The following ZMYM5 variants were observed in gnomAD, a reference collection of about 807,000 sequenced individuals.
ZMYM5 encodes zinc finger MYM-type containing 5, also known as zinc finger MYM-type protein 5.
In ZMYM5, 41 loss-of-function variants were observed where a neutral mutation model predicts 61.8. The ratio of observed to expected loss-of-function variants is 0.66; its 90% confidence interval spans 0.52 to 0.86. The LOEUF (loss-of-function observed/expected upper bound fraction) is 0.86, where lower values mean the gene tolerates loss of function less well. Among genes scored for constraint, ZMYM5 ranks in the 40% least tolerant of loss-of-function variants. ZMYM5 has a pLI of 0.00. For synonymous variants in ZMYM5, 257 were observed against 276.4 expected, an observed-to-expected ratio of 0.93 and a Z score of 0.70; for missense variants, 706 against 786.7, an observed-to-expected ratio of 0.90 and a Z score of 1.23.
At position 19,851,397 on chromosome 13, in the gene ZMYM5, C is replaced by G; in HGVS notation, c.544G>C (p.Asp182His). 3.1e-6 allele frequency: 5 copies of G among 1,614,156 alleles called. No individual in the cohort carries two copies. Among genetic ancestry groups the G allele is most frequent in the Non-Finnish European group, 4.2e-6 (5 of 1,180,030 alleles). The change falls in exon 4 of 8, where the codon GAC (aspartate) becomes CAC (histidine). Residue 182 changes from aspartate to histidine, a missense_variant. This residue lies in a region of ZMYM5 where 480 missense variants were observed against 461.7 expected (regional missense o/e 1.04). Transcript: ENST00000337963. Reference protein sequence around the residue: ...FNPGRMNVAGDLFQNGEFATH... With the variant: ...FNPGRMNVAGHLFQNGEFATH... ...GCAAATTCTCCATTCTGAAATAAGTCTCCTGCCACATTCATTCTACCAGGG... is the reference window on the plus strand; with the variant it reads ...GCAAATTCTCCATTCTGAAATAAGTGTCCTGCCACATTCATTCTACCAGGG...
intron 7 of ZMYM5, among the ~76,000 whole-genome samples, chr13:19,829,129 A>G (rs906864249): frequency 6.6e-6 from 1 of 152,106 alleles, no homozygotes; most frequent in African/African-American, 2.4e-5. Context: ...AACAAAAAAA[A>G]CCAGATACAT....
chr13:19,839,477 C>A (rs1353158740), intron 4 of ZMYM5, among the ~76,000 whole-genome samples: 4 of 152,056 alleles, frequency 2.6e-5, no homozygotes, highest in Non-Finnish European at 4.4e-5. Context: ...CTACCTCTGC[C>A]CCCCAGGTTC....
chr13:19,838,955 G>A lies in ZMYM5; in HGVS notation c.617C>T (p.Pro206Leu), dbSNP rs368339732. The change falls in exon 5 of 8, where the codon CCC (proline) becomes CTC (leucine). Residue 206 changes from proline (P) to leucine (L), a missense_variant. By Grantham distance (98) the Pro-to-Leu change is moderately conservative (BLOSUM62 -3). Coordinates refer to ENST00000337963, the MANE Select transcript of ZMYM5 (RefSeq NM_001142684.2). Reference protein sequence around the residue: ...DSWISQSASFPSNQKQPGVDS... With the variant: ...DSWISQSASFLSNQKQPGVDS... ...CACCCCTGGCTGTTTCTGATTACTG[G>A]GAAATGAAGCTGACTGGGAGATCCA... is the stretch of plus-strand genomic sequence containing the variant. 3 of 1,613,292 alleles carry A rather than the reference G, an allele frequency of 1.9e-6. No homozygotes were observed. The highest frequency in any genetic ancestry group is 2.5e-6 in the Non-Finnish European group (3 of 1,179,596).
chr13:19,862,646 G>A (rs1028460546), intron 1 of ZMYM5, among the ~76,000 whole-genome samples, 180 bp from the exon 2 acceptor site: 1 of 152,048 alleles, frequency 6.6e-6, no homozygotes, highest in Non-Finnish European at 1.5e-5. Flanking sequence ...CCGCAACGAC[G>A]AGACAAAGCT....
intron 7 of ZMYM5, among the ~76,000 whole-genome samples, chr13:19,827,208 A>T (rs1361242505): frequency 6.6e-6 from 1 of 152,196 alleles, no homozygotes; most frequent in African/African-American, 2.4e-5. Context: ...TATAAAAATT[A>T]ATGTGAAAGT....
At chr13:19,838,492 A>G (rs1310245116) in intron 5 of ZMYM5, among the ~76,000 whole-genome samples, 1 of 152,088 alleles carries the variant, frequency 6.6e-6, no homozygotes, top group East Asian at 1.9e-4. Context: ...TGATTTCCAA[A>G]CCTATGTTCC....
At chr13:19,849,354 C>T (rs745765124) in intron 4 of ZMYM5, among the ~76,000 whole-genome samples, 10 of 152,066 alleles carry the variant, frequency 6.6e-5, no homozygotes, top group Non-Finnish European at 1.0e-4. Context: ...AAACTCCTGG[C>T]CTCAAGTGAT....
rs532336186 is a variant in ZMYM5 at position 19,825,219 on chromosome 13, G to T, written c.1268C>A (p.Ser423Ter). 10 of 1,255,714 alleles carry T rather than the reference G, an allele frequency of 8.0e-6. No homozygotes were observed. The highest frequency in any genetic ancestry group is 1.4e-5 in the South Asian group (1 of 71,624). The allele number at this position is 1,255,714 out of a possible 1,614,324, so 77.8% of individuals were successfully genotyped here. A position where few individuals can be genotyped will look rare whatever the true frequency, so the allele number is the denominator to read the frequency against. ...NEYKQMMETK[S>*]KKLTASENRK... Reference sequence around the variant, plus strand: ...ATTTTCTGATGCTGTTAATTTTTTTGATTTTGTTTCCATCATCTGAGGACA... The same window carrying T: ...ATTTTCTGATGCTGTTAATTTTTTTTATTTTGTTTCCATCATCTGAGGACA... Residue 423 changes from serine to a stop codon, truncating the protein, a stop_gained, in exon 8 of 8, where the codon TCA becomes TAA. Transcript: ENST00000337963. LOFTEE classifies it high-confidence loss of function.
At chr13:19,863,146 G>C (rs1373215703) in intron 1 of ZMYM5, among the ~76,000 whole-genome samples, 78 of 151,838 alleles carry the variant, frequency 5.1e-4, no homozygotes, top group African/African-American at 1.8e-3. Context: ...TATGCGGCAG[G>C]AGAGAAAGAA....
At chr13:19,852,234 G>T in intron 2 of ZMYM5, 44 bp from the exon 3 acceptor site, 1 of 1,470,176 alleles carries the variant, frequency 6.8e-7, no homozygotes, top group Non-Finnish European at 8.9e-7. Context: ...GTATGTTATG[G>T]TTTTTGCATT....
At chr13:19,850,097 C>CA (rs1402119558) in intron 4 of ZMYM5, among the ~76,000 whole-genome samples, 1 of 151,966 alleles carries the variant, frequency 6.6e-6, no homozygotes, top group African/African-American at 2.4e-5. Flanking sequence ...CTAAAATGGT[C>CA]AAAAAAACAA....
At chr13:19,853,488 T>G (rs984968965) in intron 2 of ZMYM5, among the ~76,000 whole-genome samples, 2 of 152,084 alleles carry the variant, frequency 1.3e-5, no homozygotes, top group Admixed American at 1.3e-4. Flanking sequence ...ATGTGAGGTC[T>G]CACTATGTTG....
intron 2 of ZMYM5, among the ~76,000 whole-genome samples, chr13:19,857,233 G>C (rs1448352715): frequency 6.6e-6 from 1 of 152,218 alleles, no homozygotes; most frequent in Non-Finnish European, 1.5e-5. Context: ...CATTTAACTA[G>C]TCTTCTTGTG....
At position 19,851,792 on chromosome 13, in the gene ZMYM5, C is replaced by T. The variant is rs1297153472; in HGVS notation, c.389G>A (p.Gly130Glu). 1 of 1,610,508 alleles carries T rather than the reference C, an allele frequency of 6.2e-7. No homozygotes were observed. Among genetic ancestry groups the T allele is most frequent in the Non-Finnish European group, 8.5e-7 (1 of 1,179,276 alleles). The change falls in exon 3 of 8, where the codon GGA becomes GAA. Residue 130 changes from glycine to glutamate, a missense_variant. Gly to Glu is a moderately conservative substitution (Grantham distance 98). This residue lies in a region of ZMYM5 where 480 missense variants were observed against 461.7 expected (regional missense o/e 1.04). Transcript: ENST00000337963. Reference protein sequence around the residue: ...DDEEDIETNGGAEKKSSCFIE... With the variant: ...DDEEDIETNGEAEKKSSCFIE... The stretch of plus-strand genomic sequence containing the variant: ...AAAACAGGAAGACTTTTTCTCTGCT[C>T]CTCCATTTGTTTCTATGTCCTCTTC...
chr13:19,825,030 A>C lies in ZMYM5; in HGVS notation c.1457T>G (p.Val486Gly). ...GTDTLLIQEN[V>G]NLPPSSTSTI... The stretch of plus-strand genomic sequence containing the variant: ...TGACGTGGAAGAAGGAGGTAAATTC[A>C]CATTCTCTTGGATCAGTAATGTATC... The change falls in exon 8 of 8, where the codon GTG becomes GGG. Residue 486 changes from valine to glycine, a missense_variant. This residue lies in a region of ZMYM5 where 226 missense variants were observed against 325.0 expected (regional missense o/e 0.70). Transcript: ENST00000337963. 7.3e-7 allele frequency: 1 copy of C among 1,367,692 alleles called. No individual in the cohort carries two copies. Among genetic ancestry groups the C allele is most frequent in the South Asian group, 1.1e-5 (1 of 88,038 alleles). The allele number at this position is 1,367,692 out of a possible 1,614,324, so 84.7% of individuals were successfully genotyped here.
rs866090750 is a variant in ZMYM5 at position 19,826,867 on chromosome 13, G to C, written c.1252-1632C>G. Among the ~76,000 whole-genome samples the C allele has an allele frequency of 8.6e-5, 13 of 151,400 alleles. No individual in the cohort carries two copies. The Middle Eastern group carries it at 0.01, about 120-fold the overall frequency. On this transcript the variant is annotated intron_variant, in intron 7 of 7. Transcript: ENST00000337963. Reference sequence around the variant, plus strand: ...GAAACAACTCAAATGTCCCATCACAGATGAAAGAATAGATAAAAATACAGT... The same window carrying C: ...GAAACAACTCAAATGTCCCATCACACATGAAAGAATAGATAAAAATACAGT...
Position 19,835,561 on chromosome 13 carries a change from A to G in ZMYM5, c.1167T>C (p.Ser389=). 4 of 1,367,704 alleles carry G rather than the reference A, an allele frequency of 2.9e-6. No individual in the cohort carries two copies. The highest frequency in any genetic ancestry group is 2.9e-6 in the Non-Finnish European group (3 of 1,021,850). The allele number at this position is 1,367,704 out of a possible 1,614,324, so 84.7% of individuals were successfully genotyped here. ...CCAGGATGTTGTTTCCAGTACTCTT[A>G]CTAGGCATGTACTCTCCACAGTGTT... is the stretch of plus-strand genomic sequence containing the variant. ...CCEHCGEYMP[S]KSTGNNILVI... Residue 389 remains serine, a synonymous_variant, in exon 7 of 8, where the codon AGT becomes AGC. Coordinates refer to ENST00000337963, the MANE Select transcript of ZMYM5 (RefSeq NM_001142684.2).
At chr13:19,832,289 T>G (rs1014688947) in intron 7 of ZMYM5, among the ~76,000 whole-genome samples, 4 of 152,052 alleles carry the variant, frequency 2.6e-5, no homozygotes, top group Admixed American at 1.3e-4. Flanking sequence ...CTCACAACCT[T>G]TAACTTAGCA....
At chr13:19,852,524 T>C (rs139316551) in intron 2 of ZMYM5, among the ~76,000 whole-genome samples, 2 of 152,310 alleles carry the variant, frequency 1.3e-5, no homozygotes, top group East Asian at 1.9e-4. Flanking sequence ...TATAATCACT[T>C]ATATTCCATA....
Sources: allele counts gnomAD v4.1 joint callset (sites outside exome capture counted in the v4.1 genomes callset), GRCh38; gene constraint gnomAD v4.1.1; regional missense constraint gnomAD v4.1.1; transcripts MANE v1.5; gene names NCBI Gene and HGNC (gene_info 2026-07-23, HGNC 2026-07-21).